The following TRAPPC9 variants were observed in gnomAD, a reference collection of about 807,000 sequenced individuals.
TRAPPC9 encodes the protein IKK2 binding protein.
In TRAPPC9, 83 loss-of-function variants were observed where a neutral mutation model predicts 124.0. The observed-to-expected ratio is 0.67, with a 90% CI of 0.56 to 0.80. TRAPPC9 has a LOEUF of 0.80. Among genes scored for constraint, TRAPPC9 ranks in the 30% least tolerant of loss-of-function variants. TRAPPC9 has a pLI of 0.00. For missense variants in TRAPPC9, 1,302 were observed against 1,508.3 expected, an observed-to-expected ratio of 0.86 and a Z score of 2.27; for synonymous variants, 638 against 617.5, an observed-to-expected ratio of 1.03 and a Z score of -0.49.
intron 19 of TRAPPC9, among the ~76,000 whole-genome samples, chr8:139,982,517 CAGGG>C (rs1836978181): frequency 6.6e-6 from 1 of 152,208 alleles, no homozygotes; most frequent in South Asian, 2.1e-4. Context: ...CGACTGGAAA[CAGGG>C]TTCCGAATGT....
At chr8:140,239,182 C>T (rs1444647844) in intron 16 of TRAPPC9, among the ~76,000 whole-genome samples, 3 of 152,146 alleles carry the variant, frequency 2.0e-5, no homozygotes, top group African/African-American at 4.8e-5. Flanking sequence ...GGAAGCCCCA[C>T]GCCAGCCTCC....
chr8:140,407,366 A>C (rs1234747661), intron 5 of TRAPPC9, among the ~76,000 whole-genome samples: 1 of 149,710 alleles, frequency 6.7e-6, no homozygotes, highest in African/African-American at 2.4e-5. Flanking sequence ...ATTAGCTATA[A>C]TGAATTATCT....
chr8:140,458,145 GGAAGGAGGGA>G (rs2071767804), upstream of TRAPPC9: 55 of 1,478,994 alleles, frequency 3.7e-5, no homozygotes, highest in South Asian at 6.0e-4. Context: ...AGAGGAGGAG[GGAAGGAGGGA>G]GATGGAGGGA....
intron 18 of TRAPPC9, among the ~76,000 whole-genome samples, chr8:139,995,829 C>T (rs930900453): frequency 1.5e-5 from 2 of 136,944 alleles, no homozygotes; most frequent in African/African-American, 5.6e-5. Context: ...GAAACTGGAA[C>T]TGCAGCACAG....
At chr8:140,155,430 A>G (rs1159921257) in intron 17 of TRAPPC9, among the ~76,000 whole-genome samples, 1 of 152,182 alleles carries the variant, frequency 6.6e-6, no homozygotes, top group Non-Finnish European at 1.5e-5. Flanking sequence ...TGCCTTTGCT[A>G]CAGCTTCAAC....
chr8:139,914,452 T>C (rs1218891961), intron 19 of TRAPPC9, among the ~76,000 whole-genome samples: 3 of 152,202 alleles, frequency 2.0e-5, no homozygotes, highest in African/African-American at 7.2e-5. Flanking sequence ...GGCCTGTCCA[T>C]CGTGGTAGGC....
At chr8:140,139,689 T>C (rs1033048682) in intron 17 of TRAPPC9, among the ~76,000 whole-genome samples, 1 of 152,172 alleles carries the variant, frequency 6.6e-6, no homozygotes, top group Admixed American at 6.5e-5. Context: ...AAGCCATTTA[T>C]GTGAAGTTCA....
At position 139,854,230 on chromosome 8, in the gene TRAPPC9, C is replaced by A. The variant is rs183048451; in HGVS notation, c.3055+31649G>T. On this transcript the variant is annotated intron_variant, in intron 21 of 22. Coordinates refer to ENST00000438773, the MANE Select transcript of TRAPPC9 (RefSeq NM_001160372.4). ...CTTCCACACTCTGGAATGTTTTCCACCCCCTACATGACTCTGGAACATCAG... is the reference window on the plus strand; with the variant it reads ...CTTCCACACTCTGGAATGTTTTCCAACCCCTACATGACTCTGGAACATCAG... Among the ~76,000 whole-genome samples the A allele has an allele frequency of 4.5e-3, 679 of 152,338 alleles. 3 individuals carry two copies. Among genetic ancestry groups the A allele is most frequent in the Non-Finnish European group, 6.8e-3 (462 of 68,040 alleles).
rs548637122 is a variant in TRAPPC9 at position 139,748,489 on chromosome 8, C to A, written c.3056-16287G>T. Among the ~76,000 whole-genome samples, 327 of 105,556 alleles carry A rather than the reference C, an allele frequency of 3.1e-3. 2 individuals carry two copies. Among genetic ancestry groups the A allele is most frequent in the South Asian group, 5.7e-3 (19 of 3,338 alleles). The allele number at this position is 105,556 out of a possible 152,430, so 69.2% of individuals were successfully genotyped here. The stretch of plus-strand genomic sequence containing the variant: ...GGGGTACACACAGCAGGTGTCAGAG[C>A]AGGTAGGGGGGGCATACAGGGGTCA... On this transcript the variant is annotated intron_variant, in intron 21 of 22. Coordinates refer to ENST00000438773, the MANE Select transcript of TRAPPC9 (RefSeq NM_001160372.4).
chr8:140,204,462 G>A (rs900959622), intron 17 of TRAPPC9, among the ~76,000 whole-genome samples: 6 of 141,698 alleles, frequency 4.2e-5, no homozygotes, highest in African/African-American at 7.9e-5. Context: ...ATCACACACC[G>A]GGGGCTGTCG....
At chr8:140,253,604 G>A (rs922546315) in intron 15 of TRAPPC9, among the ~76,000 whole-genome samples, 3 of 151,974 alleles carry the variant, frequency 2.0e-5, no homozygotes, top group Non-Finnish European at 4.4e-5. Flanking sequence ...CTTGAACCCG[G>A]CAGGCAGAGG....
At chr8:139,967,327 C>T (rs2131591760) in intron 19 of TRAPPC9, among the ~76,000 whole-genome samples, 1 of 147,646 alleles carries the variant, frequency 6.8e-6, no homozygotes, top group South Asian at 2.1e-4. Context: ...CTGCAATAGA[C>T]ACAGAACTTA....
intron 15 of TRAPPC9, among the ~76,000 whole-genome samples, chr8:140,255,640 C>G (rs1404621317): frequency 7.2e-5 from 11 of 152,236 alleles, no homozygotes; most frequent in Non-Finnish European, 1.5e-5. Flanking sequence ...AATCCCAGCA[C>G]TTTGGGAGGC....
chr8:139,744,980 G>A lies in TRAPPC9; in HGVS notation c.3056-12778C>T, dbSNP rs115485818. ...CCACCCTCCATCCAGGGATGCCAGG[G>A]CCCCTGTGGAGGGGAGACCCCGGGG... On this transcript the variant is annotated intron_variant, in intron 21 of 22. Coordinates refer to ENST00000438773, the MANE Select transcript of TRAPPC9 (RefSeq NM_001160372.4). 8.4e-3 allele frequency among the ~76,000 whole-genome samples: 1,277 copies of A among 152,342 alleles called. 25 individuals are homozygous for A. The highest frequency in any genetic ancestry group is 0.029 in the African/African-American group (1,212 of 41,576).
chr8:139,810,022 C>G (rs1456642513), intron 21 of TRAPPC9, among the ~76,000 whole-genome samples: 1 of 152,194 alleles, frequency 6.6e-6, no homozygotes, highest in Non-Finnish European at 1.5e-5. Context: ...TGGAAACATA[C>G]AGGTGGGGGG....
chr8:140,391,311 T>A (rs1007864330), intron 7 of TRAPPC9, among the ~76,000 whole-genome samples: 3 of 152,270 alleles, frequency 2.0e-5, no homozygotes, highest in Non-Finnish European at 4.4e-5. Context: ...GAGTTGATCC[T>A]AGAGTATGTT....
chr8:139,875,724 A>G (rs1207115814), intron 21 of TRAPPC9, among the ~76,000 whole-genome samples: 1 of 152,184 alleles, frequency 6.6e-6, no homozygotes, highest in African/African-American at 2.4e-5. Flanking sequence ...CGTGGTCTCC[A>G]GGAAGTGGCT....
At chr8:140,402,614 T>C (rs1336999288) in intron 6 of TRAPPC9, among the ~76,000 whole-genome samples, 2 of 151,272 alleles carry the variant, frequency 1.3e-5, no homozygotes, top group Non-Finnish European at 2.9e-5. Flanking sequence ...GGGGATCACC[T>C]GAACCTGGGA....
At chr8:140,023,368 A>C (rs1356353259) in intron 18 of TRAPPC9, among the ~76,000 whole-genome samples, 1 of 152,216 alleles carries the variant, frequency 6.6e-6, no homozygotes, top group African/African-American at 2.4e-5. Flanking sequence ...TCTGGGTTTC[A>C]AGTGTACAAA....
Sources: allele counts gnomAD v4.1 joint callset (sites outside exome capture counted in the v4.1 genomes callset), GRCh38; gene constraint gnomAD v4.1.1; transcripts MANE v1.5; gene names NCBI Gene and HGNC (gene_info 2026-07-23, HGNC 2026-07-21).